NMT2: variants seen among roughly 807,000 people sequenced by gnomAD.
NMT2 encodes the protein N-myristoyltransferase 2.
A neutral mutation model predicts 65.4 loss-of-function variants in NMT2; 35 were observed. The ratio of observed to expected loss-of-function variants is 0.54; its 90% CI spans 0.41 to 0.71. The LOEUF is 0.71. Among genes scored for constraint, NMT2 ranks in the 30% least tolerant of loss-of-function variants. The probability of loss-of-function intolerance (pLI) is 0.00; values close to 1 mark genes in which losing one functional copy is unlikely to be tolerated. For synonymous variants in NMT2, 226 were observed against 231.8 expected (o/e 0.98, Z 0.23); for missense variants, 489 against 611.3 (o/e 0.80, Z 2.11).
At chr10:15,109,663 A>G in intron 11 of NMT2, 39 bp downstream of exon 11, 1 of 1,501,816 alleles carries the variant, frequency 6.7e-7, no homozygotes, top group Non-Finnish European at 8.9e-7. Context: ...GTCTAGGTAC[A>G]TTTGTTGAGT....
intron 2 of NMT2, among the ~76,000 whole-genome samples, chr10:15,135,969 A>AT (rs575788229): frequency 0.011 from 1,607 of 152,080 alleles, 31 homozygotes; most frequent in African/African-American, 0.036. Context: ...TCTCACGCCT[A>AT]TAATCCCAGC....
Position 15,133,038 on chromosome 10 carries a change from A to C in NMT2, c.602+15T>G, listed in dbSNP as rs1171961861. ...GCAGCGCCTATCCACGACATCTGTG[A>C]TCGATGAGACTTACCACAACAGGAA... On this transcript the variant is annotated intron_variant, in intron 5 of 11. Coordinates refer to ENST00000378165, the MANE Select transcript of NMT2 (RefSeq NM_004808.3). 1.9e-6 allele frequency: 3 copies of C among 1,610,876 alleles called. No individual in the cohort carries two copies. In the East Asian group the frequency reaches 6.7e-5, roughly 36 times the overall value.
At chr10:15,130,857 T>C (rs934206102) in intron 6 of NMT2, among the ~76,000 whole-genome samples, 1 of 149,322 alleles carries the variant, frequency 6.7e-6, no homozygotes, top group Admixed American at 6.7e-5. Flanking sequence ...TGGCGCAATC[T>C]TGGCTCACTG....
Position 15,139,863 on chromosome 10 carries a change from C to CCATATATATA in NMT2, c.246+1558_246+1559insTATATATATG, listed in dbSNP as rs1434021981. ...AAAGCTTGTAGAATGGTAACAACTACTATATATATATATATATATATATAT... is the reference window on the plus strand; with the variant it reads ...AAAGCTTGTAGAATGGTAACAACTACCATATATATATATATATATATATATATATATATAT... On this transcript the variant is annotated intron_variant, in intron 2 of 11. Transcript: ENST00000378165. The CCATATATATA allele has an allele frequency of 3.4e-4, 24 of 69,636 alleles. 2 individuals are homozygous for CCATATATATA. Among genetic ancestry groups the CCATATATATA allele is most frequent in the African/African-American group, 8.0e-4 (24 of 29,864 alleles). 4.3% of individuals were successfully genotyped at this position (69,636 alleles called of 1,614,324 possible). A position where few individuals can be genotyped will look rare whatever the true frequency, so the allele number is the denominator to read the frequency against.
chr10:15,133,403 C>A (rs184908046), intron 3 of NMT2, 40 bp from the exon 4 acceptor site: 3 of 1,459,170 alleles, frequency 2.1e-6, no homozygotes, highest in Non-Finnish European at 2.9e-6. Flanking sequence ...AGGCAAAAAG[C>A]GAGAATATTA....
Position 15,112,801 on chromosome 10 carries a change from T to C in NMT2, c.1333A>G (p.Lys445Glu), listed in dbSNP as rs766952234. The C allele has an allele frequency of 1.2e-6, 2 of 1,610,348 alleles. No individual in the cohort carries two copies. Among genetic ancestry groups the C allele is most frequent in the Non-Finnish European group, 8.5e-7 (1 of 1,178,460 alleles). The change falls in exon 10 of 12, where the codon AAA becomes GAA. Residue 445 changes from lysine to glutamate, a missense_variant. Lys to Glu is a moderately conservative substitution (Grantham distance 56). Coordinates refer to ENST00000378165, the MANE Select transcript of NMT2 (RefSeq NM_004808.3). Reference protein sequence around the residue: ...DLMSDALILAKSKGFDVFNAL... With the variant: ...DLMSDALILAESKGFDVFNAL... ...AACAGGAAGGAGTGGCTTACCGATT[T>C]AGCCAGGATGAGCGCGTCGCTCATG...
At chr10:15,112,705 C>T in intron 10 of NMT2, 91 bp downstream of exon 10, 1 of 1,210,162 alleles carries the variant, frequency 8.3e-7, no homozygotes, top group Non-Finnish European at 1.1e-6. Flanking sequence ...TAAATTCCAC[C>T]TGTGTGGAAG....
chr10:15,143,590 C>T (rs1252212511), intron 1 of NMT2, among the ~76,000 whole-genome samples: 2 of 152,220 alleles, frequency 1.3e-5, no homozygotes, highest in Non-Finnish European at 2.9e-5. Flanking sequence ...GGCATGGTGG[C>T]TCACGCCTAT....
chr10:15,146,237 C>T (rs887857175), intron 1 of NMT2, among the ~76,000 whole-genome samples: 21 of 152,256 alleles, frequency 1.4e-4, no homozygotes, highest in Middle Eastern at 3.4e-3. Context: ...CAAGTAGAAA[C>T]GAACACATTC....
chr10:15,149,532 T>TCATCACCAC (rs1832725450), intron 1 of NMT2, among the ~76,000 whole-genome samples: 1 of 130,298 alleles, frequency 7.7e-6, no homozygotes, highest in Non-Finnish European at 1.7e-5. Flanking sequence ...ATCATCACCA[T>TCATCACCAC]CATCACCACC....
At chr10:15,148,462 G>A (rs954784771) in intron 1 of NMT2, among the ~76,000 whole-genome samples, 8 of 152,178 alleles carry the variant, frequency 5.3e-5, no homozygotes, top group South Asian at 2.1e-4. Flanking sequence ...GCAGTGAGCC[G>A]TGATCGTGCC....
At chr10:15,149,957 T>C (rs1386370673) in intron 1 of NMT2, among the ~76,000 whole-genome samples, 2 of 152,198 alleles carry the variant, frequency 1.3e-5, no homozygotes, top group African/African-American at 4.8e-5. Flanking sequence ...AACTGCCTAA[T>C]TGCGATCTTT....
At chr10:15,168,468 C>T in intron 1 of NMT2, 35 bp downstream of exon 1, 2 of 1,523,786 alleles carry the variant, frequency 1.3e-6, no homozygotes, top group South Asian at 1.1e-5. Context: ...GGTCCCCGCC[C>T]TGTCGCGCCC....
intron 1 of NMT2, 70 bp downstream of exon 1, chr10:15,168,433 C>A (rs747230546): frequency 2.5e-6 from 3 of 1,195,196 alleles, no homozygotes; most frequent in South Asian, 2.5e-5. Flanking sequence ...GGAGCCACCC[C>A]CGAACGGGAG....
At chr10:15,116,881 A>C (rs952860001) in intron 9 of NMT2, among the ~76,000 whole-genome samples, 11 of 152,244 alleles carry the variant, frequency 7.2e-5, no homozygotes, top group Non-Finnish European at 1.5e-4. Flanking sequence ...AGATCATCTG[A>C]ATAGTGCTAT....
At chr10:15,168,477 C>T in intron 1 of NMT2, 26 bp downstream of exon 1, 1 of 1,549,782 alleles carries the variant, frequency 6.5e-7, no homozygotes, top group Non-Finnish European at 8.8e-7. Context: ...CCTGTCGCGC[C>T]CGGTGCGCCA....
intron 1 of NMT2, among the ~76,000 whole-genome samples, chr10:15,163,044 T>C (rs1348721743): frequency 2.6e-5 from 4 of 151,934 alleles, no homozygotes; most frequent in Non-Finnish European, 5.9e-5. Flanking sequence ...GCCTCCCAAG[T>C]AGCTGGAACT....
In NMT2 at chr10:15,130,299, C is replaced by A; in HGVS notation, c.733G>T (p.Val245Leu). 1 of 1,586,654 alleles carries A rather than the reference C, an allele frequency of 6.3e-7. No homozygotes were observed. Among genetic ancestry groups the A allele is most frequent in the Middle Eastern group, 1.8e-4 (1 of 5,684 alleles). Residue 245 changes from valine to leucine, a missense_variant, in exon 7 of 12, where the codon GTA (valine) becomes TTA (leucine). By Grantham distance (32) the Val-to-Leu change is conservative. Coordinates refer to ENST00000378165, the MANE Select transcript of NMT2 (RefSeq NM_004808.3). Reference protein sequence around the residue: ...IRIYDSVKKMVEINFLCVHKK... With the variant: ...IRIYDSVKKMLEINFLCVHKK... ...TGAACACAAAGAAAGTTGATTTCTA[C>A]CATCTTCTTCACACTAAGAAATAAA...
chr10:15,158,258 G>A (rs977988588), intron 1 of NMT2, among the ~76,000 whole-genome samples: 3 of 151,518 alleles, frequency 2.0e-5, no homozygotes, highest in African/African-American at 7.3e-5. Context: ...GGAGGTTGCA[G>A]TGAGCCAAGA....
Sources: gnomAD v4.1 joint callset for allele counts (sites outside exome capture counted in the v4.1 genomes callset) on GRCh38, gnomAD v4.1.1 for gene constraint, MANE v1.5 for transcripts, NCBI Gene and HGNC (gene_info 2026-07-23, HGNC 2026-07-21) for gene names.